The following ITIH3 variants were observed in gnomAD, a reference collection of about 807,000 sequenced individuals.
The protein encoded by ITIH3 is inter-alpha-trypsin inhibitor heavy chain H3.
A neutral mutation model predicts 96.5 loss-of-function variants in ITIH3; 81 were observed. That is an observed-to-expected ratio of 0.84 (90% CI 0.70 to 1.01). ITIH3 has a LOEUF of 1.01. Among genes scored for constraint, ITIH3 ranks in the 50% least tolerant of loss-of-function variants. The pLI, the probability that ITIH3 is intolerant of heterozygous loss-of-function variation, is 0.00. For synonymous variants in ITIH3, 422 were observed against 445.2 expected (o/e 0.95, Z 0.66); for missense variants, 1,057 against 1,139.3 (o/e 0.93, Z 1.04).
At chr3:52,797,975 T>C (rs550747222) in intron 6 of ITIH3, 45 bp downstream of exon 6, 2 of 1,175,980 alleles carry the variant, frequency 1.7e-6, no homozygotes, top group South Asian at 1.3e-5. Context: ...GGGACAGGAA[T>C]ACTGACTCCA....
Position 52,808,229 on chromosome 3 carries a change from G to T in ITIH3, c.2543+8G>T. Reference sequence around the variant, plus strand: ...TCAGCTGATTGTCACCAGGTGAGGAGACTTCTCCCACACCCTCACCTGCTC... The same window carrying T: ...TCAGCTGATTGTCACCAGGTGAGGATACTTCTCCCACACCCTCACCTGCTC... On this transcript the variant is annotated splice_region_variant and intron_variant, in intron 21 of 21. Coordinates refer to ENST00000449956, the MANE Select transcript of ITIH3 (RefSeq NM_002217.4). 6.2e-7 allele frequency: 1 copy of T among 1,605,372 alleles called. No individual in the cohort carries two copies. Among genetic ancestry groups the T allele is most frequent in the Non-Finnish European group, 8.5e-7 (1 of 1,172,182 alleles).
In ITIH3 at chr3:52,794,854, G is replaced by T. The variant is rs1193108960; in HGVS notation, c.51G>T (p.Leu17Phe). Residue 17 changes from leucine (L) to phenylalanine (F), a missense_variant, in exon 1 of 22, where the codon TTG becomes TTT. Physicochemically the swap from Leu to Phe is conservative, Grantham distance 22. Coordinates refer to ENST00000449956, the MANE Select transcript of ITIH3 (RefSeq NM_002217.4). ...TCATCTTGGCTCTGCTCTCCAGCTTGGCAGCCTCTGGCTTCCCGAGAAGCC... is the reference window on the plus strand; with the variant it reads ...TCATCTTGGCTCTGCTCTCCAGCTTTGCAGCCTCTGGCTTCCCGAGAAGCC... Reference protein sequence around the residue: ...PCLILALLSSLAASGFPRSPF... With the variant: ...PCLILALLSSFAASGFPRSPF... The T allele has an allele frequency of 6.2e-7, 1 of 1,613,974 alleles. No homozygotes were observed. Among genetic ancestry groups the T allele is most frequent in the Non-Finnish European group, 8.5e-7 (1 of 1,179,884 alleles).
rs1477624700 is a variant in ITIH3, at chr3:52,800,534, C to A, written c.1076-4C>A. ...TCCCACGGTGCTGTCTGTCTGTGTC[C>A]CAGTGACCAACATCAATGACGGGCT... On this transcript the variant is annotated splice_polypyrimidine_tract_variant and splice_region_variant and intron_variant, in intron 9 of 21. Transcript: ENST00000449956. 6.4e-7 allele frequency: 1 copy of A among 1,553,748 alleles called. No homozygotes were observed. The highest frequency in any genetic ancestry group is 8.7e-7 in the Non-Finnish European group (1 of 1,148,140).
chr3:52,808,460 C>T (rs1700134671), intron 21 of ITIH3, 92 bp from the exon 22 acceptor site: 6 of 1,536,614 alleles, frequency 3.9e-6, no homozygotes, highest in Non-Finnish European at 5.4e-6. Context: ...GTTAGAATTG[C>T]CAACTTCCCA....
intron 5 of ITIH3, among the ~76,000 whole-genome samples, 153 bp downstream of exon 5, chr3:52,797,420 G>A (rs765832422): frequency 1.1e-4 from 17 of 152,308 alleles, no homozygotes; most frequent in East Asian, 3.9e-4. Flanking sequence ...AATGGTTCTG[G>A]CCAAAAGCAT....
intron 21 of ITIH3, 99 bp from the exon 22 acceptor site, chr3:52,808,453 A>T: frequency 6.7e-7 from 1 of 1,496,774 alleles, no homozygotes; most frequent in Admixed American, 1.7e-5. Context: ...CTGGGCTGTT[A>T]GAATTGCCAA....
rs528961799 is a variant in ITIH3 at position 52,794,871 on chromosome 3, C to T, written c.68C>T (p.Pro23Leu). 125 of 1,613,938 alleles carry T rather than the reference C, an allele frequency of 7.7e-5. No individual in the cohort carries two copies. The South Asian group carries it at 8.1e-4, about 10-fold the overall frequency. ...TCCAGCTTGGCAGCCTCTGGCTTCCCGAGAAGCCCCTTTCGGCTGCTTGGG... is the reference window on the plus strand; with the variant it reads ...TCCAGCTTGGCAGCCTCTGGCTTCCTGAGAAGCCCCTTTCGGCTGCTTGGG... ...LLSSLAASGF[P>L]RSPFRLLGKR... Residue 23 changes from proline to leucine, a missense_variant, in exon 1 of 22, where the codon CCG (proline) becomes CTG (leucine). Physicochemically the swap from Pro to Leu is moderately conservative, Grantham distance 98. Coordinates refer to ENST00000449956, the MANE Select transcript of ITIH3 (RefSeq NM_002217.4).
rs754473742 is a variant in ITIH3, at chr3:52,797,219, C to T, written c.501C>T (p.Tyr167=). ...EELLKRHKGK[Y]EMYLKVQPKQ... ...TGCTGAAGAGGCACAAGGGCAAGTACGAGATGTACCTCAAGGTCCAGCCTA... is the reference window on the plus strand; with the variant it reads ...TGCTGAAGAGGCACAAGGGCAAGTATGAGATGTACCTCAAGGTCCAGCCTA... Residue 167 remains tyrosine, a synonymous_variant, in exon 5 of 22, where the codon TAC becomes TAT. Coordinates refer to ENST00000449956, the MANE Select transcript of ITIH3 (RefSeq NM_002217.4). 3.9e-5 allele frequency: 62 copies of T among 1,607,444 alleles called. No homozygotes were observed. Among genetic ancestry groups the T allele is most frequent in the Middle Eastern group, 1.8e-4 (1 of 5,606 alleles).
intron 13 of ITIH3, among the ~76,000 whole-genome samples, chr3:52,803,364 G>A (rs2154110028): frequency 6.6e-6 from 1 of 150,544 alleles, no homozygotes; most frequent in Admixed American, 6.6e-5. Flanking sequence ...TGTCGCCCAG[G>A]CTGGAGTGCA....
chr3:52,794,872 G>A lies in ITIH3; in HGVS notation c.69G>A (p.Pro23=), dbSNP rs548955356. 9.9e-6 allele frequency: 16 copies of A among 1,613,928 alleles called. No homozygotes were observed. Among genetic ancestry groups the A allele is most frequent in the East Asian group, 8.9e-5 (4 of 44,880 alleles). The part of the protein sequence containing the change: ...LLSSLAASGF[P]RSPFRLLGKR... ...CCAGCTTGGCAGCCTCTGGCTTCCC[G>A]AGAAGCCCCTTTCGGCTGCTTGGGG... is the stretch of plus-strand genomic sequence containing the variant. The change falls in exon 1 of 22, where the codon CCG becomes CCA. Residue 23 remains proline (P), a synonymous_variant. Transcript: ENST00000449956.
Position 52,796,959 on chromosome 3 carries a change from C to T in ITIH3, c.386+116C>T, listed in dbSNP as rs1030590463. The T allele has an allele frequency of 1.6e-5, 19 of 1,203,194 alleles. No homozygotes were observed. In the African/African-American group the frequency reaches 2.3e-4, roughly 15 times the overall value. 74.5% of individuals were successfully genotyped at this position (1,203,194 alleles called of 1,614,324 possible). Reference sequence around the variant, plus strand: ...ATAGCAAAATGTGCCCATAATTTTGCCATTATCCCACGTTGAGGCTGAGGC... The same window carrying T: ...ATAGCAAAATGTGCCCATAATTTTGTCATTATCCCACGTTGAGGCTGAGGC... On this transcript the variant is annotated intron_variant, in intron 4 of 21. Transcript: ENST00000449956.
Position 52,807,847 on chromosome 3 carries a change from C to T in ITIH3, c.2362C>T (p.His788Tyr). The change falls in exon 20 of 22, where the codon CAC (histidine) becomes TAC (tyrosine). Residue 788 changes from histidine to tyrosine, a missense_variant. By Grantham distance (83) the His-to-Tyr change is moderately conservative. Coordinates refer to ENST00000449956, the MANE Select transcript of ITIH3 (RefSeq NM_002217.4). Reference protein sequence around the residue: ...LHQVWKKHPVHRDFLGFYVVD... With the variant: ...LHQVWKKHPVYRDFLGFYVVD... ...CCAGGTGTGGAAGAAACATCCTGTCCACCGTGACTTTCTAGGCTTCTACGT... is the reference window on the plus strand; with the variant it reads ...CCAGGTGTGGAAGAAACATCCTGTCTACCGTGACTTTCTAGGCTTCTACGT... 6.2e-7 allele frequency: 1 copy of T among 1,611,548 alleles called. No homozygotes were observed. The highest frequency in any genetic ancestry group is 8.5e-7 in the Non-Finnish European group (1 of 1,178,864).
At chr3:52,806,206 C>T (rs1424947448) in intron 17 of ITIH3, 68 bp downstream of exon 17, 8 of 1,596,812 alleles carry the variant, frequency 5.0e-6, no homozygotes, top group Admixed American at 1.7e-5. Context: ...GTCTCGGAGT[C>T]GAGCCCATGG....
At chr3:52,800,245 C>T in intron 9 of ITIH3, 1 of 537,094 alleles carries the variant, frequency 1.9e-6, no homozygotes, top group East Asian at 3.2e-5. Flanking sequence ...CTCCCCTCTC[C>T]TCCCAGCAAG....
At chr3:52,802,869 C>G in intron 13 of ITIH3, 63 bp downstream of exon 13, 1 of 1,580,672 alleles carries the variant, frequency 6.3e-7, no homozygotes, top group Non-Finnish European at 8.6e-7. Context: ...CAAGGGCACC[C>G]CCATACGCAG....
intron 13 of ITIH3, among the ~76,000 whole-genome samples, chr3:52,803,647 C>T (rs1699930273): frequency 6.6e-6 from 1 of 152,168 alleles, no homozygotes; most frequent in Admixed American, 6.5e-5. Context: ...GTGGGGAAAC[C>T]AAGGTCCAGC....
intron 1 of ITIH3, 89 bp from the exon 2 acceptor site, chr3:52,795,514 T>C: frequency 6.9e-7 from 1 of 1,440,536 alleles, no homozygotes; most frequent in Non-Finnish European, 9.5e-7. Context: ...ACTGAACCCC[T>C]GGTCTCAGCC....
Position 52,800,518 on chromosome 3 carries a change from GCTGTCTGT to G in ITIH3, c.1076-15_1076-8del. ...CACCCTGAGGACACCCTCCCACGGT[GCTGTCTGT>G]CTGTGTCCCAGTGACCAACATCAAT... On this transcript the variant is annotated splice_polypyrimidine_tract_variant and intron_variant, in intron 9 of 21. Transcript: ENST00000449956. The G allele has an allele frequency of 6.4e-7, 1 of 1,552,506 alleles. No individual in the cohort carries two copies. The highest frequency in any genetic ancestry group is 1.4e-5 in the African/African-American group (1 of 73,186).
In ITIH3 at chr3:52,807,902, C is replaced by T. The variant is rs184153550; in HGVS notation, c.2417C>T (p.Thr806Met). 5.2e-5 allele frequency: 84 copies of T among 1,612,626 alleles called. No homozygotes were observed. Among genetic ancestry groups the T allele is most frequent in the East Asian group, 1.6e-4 (7 of 44,852 alleles). ...GACAGTCACCGGATGTCAGCACAGACGCATGGGCTGCTGGGTACGAAGTGT... is the reference window on the plus strand; with the variant it reads ...GACAGTCACCGGATGTCAGCACAGATGCATGGGCTGCTGGGTACGAAGTGT... ...VVDSHRMSAQ[T>M]HGLLGQFFQP... Residue 806 changes from threonine (T) to methionine (M), a missense_variant, in exon 20 of 22, where the codon ACG (threonine) becomes ATG (methionine). Thr to Met is a moderately conservative substitution (Grantham distance 81). Transcript: ENST00000449956.
Sources: gnomAD v4.1 joint callset for allele counts (sites outside exome capture counted in the v4.1 genomes callset) on GRCh38, gnomAD v4.1.1 for gene constraint, MANE v1.5 for transcripts, NCBI Gene and HGNC (gene_info 2026-07-23, HGNC 2026-07-21) for gene names.